Variants in LRRIQ1 observed in about 807,000 individuals in gnomAD.
The protein encoded by LRRIQ1 is leucine rich repeats and IQ motif containing 1, also known as leucine-rich repeat- and IQ domain-containing protein 1.
LRRIQ1 carries 210 observed loss-of-function variants against 211.9 expected under a neutral mutation model. The observed-to-expected ratio is 0.99, with a 90% CI of 0.89 to 1.11. The LOEUF is 1.11. Ranked by LOEUF, LRRIQ1 falls within the 50% of genes most tolerant of loss-of-function variation. The pLI is 0.00. For missense variants in LRRIQ1, 2,136 were observed against 1,939.5 expected, an observed-to-expected ratio of 1.10 and a Z score of -1.90; for synonymous variants, 699 against 650.1, an observed-to-expected ratio of 1.08 and a Z score of -1.14.
At chr12:85,176,046 G>C (rs1891681732) in intron 24 of LRRIQ1, among the ~76,000 whole-genome samples, 1 of 152,132 alleles carries the variant, frequency 6.6e-6, no homozygotes, top group South Asian at 2.1e-4. Flanking sequence ...TGTGAAGAAA[G>C]TCATTGGTAG....
intron 18 of LRRIQ1, among the ~76,000 whole-genome samples, chr12:85,131,793 G>T (rs370160577): frequency 6.6e-6 from 1 of 152,100 alleles, no homozygotes; most frequent in African/African-American, 2.4e-5. Context: ...GTCCAGTAGA[G>T]AATTGTCAGG....
At chr12:85,050,533 AG>A (rs1290917173) in intron 6 of LRRIQ1, among the ~76,000 whole-genome samples, 5 of 152,186 alleles carry the variant, frequency 3.3e-5, no homozygotes, top group African/African-American at 1.2e-4. Flanking sequence ...CATTAGTCCA[AG>A]ATAGAAAAAT....
chr12:85,099,047 T>G (rs201933309), intron 13 of LRRIQ1, 53 bp downstream of exon 13: 9 of 1,294,444 alleles, frequency 7.0e-6, no homozygotes, highest in South Asian at 1.6e-5. Flanking sequence ...AAAATAAATA[T>G]GTGATGTTCA....
chr12:85,253,693 T>C (rs577539016), intron 1 of LRRIQ1, among the ~76,000 whole-genome samples: 3 of 152,050 alleles, frequency 2.0e-5, no homozygotes, highest in Admixed American at 6.6e-5. Context: ...TTCAATAGAT[T>C]AGACACACAA....
intron 8 of LRRIQ1, among the ~76,000 whole-genome samples, chr12:85,057,889 G>C (rs1592713930): frequency 6.6e-6 from 1 of 151,992 alleles, no homozygotes; most frequent in East Asian, 1.9e-4. Context: ...GCTAAGGCCT[G>C]AAAGTCAAAA....
chr12:85,196,344 A>C (rs1017098606), intron 24 of LRRIQ1, among the ~76,000 whole-genome samples: 1 of 152,172 alleles, frequency 6.6e-6, no homozygotes, highest in African/African-American at 2.4e-5. Context: ...TTGATATGGA[A>C]TCAAAAAAGA....
At chr12:85,076,939 A>G (rs1360167642) in intron 11 of LRRIQ1, among the ~76,000 whole-genome samples, 1 of 152,190 alleles carries the variant, frequency 6.6e-6, no homozygotes, top group African/African-American at 2.4e-5. Flanking sequence ...GTTTTCATCT[A>G]ACTCATGGCA....
chr12:85,169,851 T>C (rs945619563), intron 24 of LRRIQ1, among the ~76,000 whole-genome samples: 1 of 152,172 alleles, frequency 6.6e-6, no homozygotes, highest in Non-Finnish European at 1.5e-5. Context: ...TCTTATATCC[T>C]CAGCACTTAG....
At chr12:85,185,752 C>G (rs1174153622) in intron 24 of LRRIQ1, among the ~76,000 whole-genome samples, 1 of 151,826 alleles carries the variant, frequency 6.6e-6, no homozygotes, top group African/African-American at 2.4e-5. Flanking sequence ...CAATTTTATT[C>G]CACATACATT....
Position 85,198,065 on chromosome 12 carries a change from ATAT to A in LRRIQ1, c.4823-31447_4823-31445del, listed in dbSNP as rs1312298848. Among the ~76,000 whole-genome samples the A allele has an allele frequency of 1.1e-3, 54 of 50,488 alleles. No individual in the cohort carries two copies. In the African/African-American group the frequency reaches 0.015, roughly 14 times the overall value. The allele number at this position is 50,488 out of a possible 152,430, so 33.1% of individuals were successfully genotyped here. A position where few individuals can be genotyped will look rare whatever the true frequency, so the allele number is the denominator to read the frequency against. ...AATATATTATATAATTATATATAAC[ATAT>A]TATTTATATATAATTTATTATATTA... On this transcript the variant is annotated intron_variant, in intron 24 of 26. Transcript: ENST00000393217.
intron 17 of LRRIQ1, chr12:85,124,809 A>G (rs995534512): frequency 3.9e-5 from 11 of 280,186 alleles, no homozygotes; most frequent in Admixed American, 1.0e-4. Flanking sequence ...ATATGTTTTA[A>G]GGAGAAATAA....
chr12:85,160,751 G>T, intron 24 of LRRIQ1, 37 bp downstream of exon 24: 1 of 1,089,772 alleles, frequency 9.2e-7, no homozygotes, highest in South Asian at 1.9e-5. Context: ...GAGGTAAAAA[G>T]ATAAAGAAAG....
chr12:85,045,331 G>T (rs1413296765), intron 4 of LRRIQ1, among the ~76,000 whole-genome samples: 3 of 151,760 alleles, frequency 2.0e-5, no homozygotes, highest in African/African-American at 4.8e-5. Flanking sequence ...TCACTTCTTA[G>T]ATTGACTTTT....
chr12:85,259,112 C>T (rs752832829), intron 1 of LRRIQ1, among the ~76,000 whole-genome samples: 11 of 151,936 alleles, frequency 7.2e-5, no homozygotes, highest in Non-Finnish European at 1.6e-4. Context: ...AGTTTCAGCA[C>T]TTGTATAAGC....
At chr12:85,060,485 T>C (rs1422979299) in intron 8 of LRRIQ1, among the ~76,000 whole-genome samples, 2 of 151,958 alleles carry the variant, frequency 1.3e-5, no homozygotes, top group Non-Finnish European at 2.9e-5. Flanking sequence ...AATATTTCTT[T>C]ATACCATAAC....
chr12:85,086,401 G>C (rs1007505131), intron 11 of LRRIQ1, among the ~76,000 whole-genome samples: 1 of 151,960 alleles, frequency 6.6e-6, no homozygotes, highest in Non-Finnish European at 1.5e-5. Context: ...GTTTAAAAGT[G>C]TGTAGCACCT....
At chr12:85,261,952 G>A (rs903251146) in intron 1 of LRRIQ1, among the ~76,000 whole-genome samples, 3 of 151,744 alleles carry the variant, frequency 2.0e-5, no homozygotes, top group Non-Finnish European at 2.9e-5. Flanking sequence ...CACCACGCCC[G>A]GCTAATTTTG....
chr12:85,104,567 T>A (rs1276352016), intron 14 of LRRIQ1, among the ~76,000 whole-genome samples: 1 of 151,940 alleles, frequency 6.6e-6, no homozygotes, highest in Non-Finnish European at 1.5e-5. Flanking sequence ...ATTCCTTTTT[T>A]TCTACAACTT....
At chr12:85,253,883 A>C (rs1178758832) in intron 1 of LRRIQ1, among the ~76,000 whole-genome samples, 1 of 151,948 alleles carries the variant, frequency 6.6e-6, no homozygotes, top group African/African-American at 2.4e-5. Context: ...TTCTATTTCT[A>C]ATATATATCT....
Sources: allele counts gnomAD v4.1 joint callset (sites outside exome capture counted in the v4.1 genomes callset), GRCh38; gene constraint gnomAD v4.1.1; transcripts MANE v1.5; gene names NCBI Gene and HGNC (gene_info 2026-07-23, HGNC 2026-07-21).